CAPN7: variants seen among roughly 807,000 people sequenced by gnomAD.
CAPN7 encodes calpain 7, also known as calpain-7.
A neutral mutation model predicts 115.2 loss-of-function variants in CAPN7; 72 were observed. The observed-to-expected ratio is 0.63, with a 90% confidence interval of 0.52 to 0.76. CAPN7 has a LOEUF of 0.76. Among genes scored for constraint, CAPN7 ranks in the 30% least tolerant of loss-of-function variants. CAPN7 has a pLI of 0.00. For missense variants in CAPN7, 905 were observed against 971.5 expected (o/e 0.93, Z 0.91); for synonymous variants, 344 against 322.3 (o/e 1.07, Z -0.72).
chr3:15,231,962 A>G (rs935744246), intron 9 of CAPN7: 4 of 199,568 alleles, frequency 2.0e-5, no homozygotes, highest in African/African-American at 9.6e-5. Flanking sequence ...TAAAATGACA[A>G]TAATACTGCA....
chr3:15,231,730 G>T (rs150622860), intron 9 of CAPN7, among the ~76,000 whole-genome samples: 1 of 151,850 alleles, frequency 6.6e-6, no homozygotes, highest in Non-Finnish European at 1.5e-5. Flanking sequence ...GAGTTTCACC[G>T]TGTTAGCCAG....
At chr3:15,239,952 A>G (rs1263147565) in intron 12 of CAPN7, among the ~76,000 whole-genome samples, 2 of 152,262 alleles carry the variant, frequency 1.3e-5, no homozygotes, top group East Asian at 3.8e-4. Context: ...GCAAAATTGA[A>G]TAAGGATTTT....
intron 19 of CAPN7, among the ~76,000 whole-genome samples, chr3:15,249,184 C>G (rs556619082): frequency 6.6e-6 from 1 of 152,146 alleles, no homozygotes; most frequent in Non-Finnish European, 1.5e-5. Flanking sequence ...TTTAAAACCT[C>G]TACCAGTTTG....
At chr3:15,236,751 A>C (rs1463570230) in intron 12 of CAPN7, among the ~76,000 whole-genome samples, 1 of 152,258 alleles carries the variant, frequency 6.6e-6, no homozygotes, top group Non-Finnish European at 1.5e-5. Flanking sequence ...AGTTATAACA[A>C]CTTGGTATTT....
chr3:15,250,603 C>T (rs964081703), intron 19 of CAPN7, among the ~76,000 whole-genome samples: 1 of 152,112 alleles, frequency 6.6e-6, no homozygotes. Context: ...ACCCAGGAGG[C>T]GGAGGTTGCA....
At chr3:15,227,696 G>C (rs999959423) in intron 6 of CAPN7, 143 bp from the exon 7 acceptor site, 1 of 414,436 alleles carries the variant, frequency 2.4e-6, no homozygotes, top group Admixed American at 4.5e-5. Flanking sequence ...TAAAGAGCCA[G>C]ATTTGACCAG....
chr3:15,236,231 G>A lies in CAPN7; in HGVS notation c.1407+1086G>A, dbSNP rs572568319. 4.6e-5 allele frequency among the ~76,000 whole-genome samples: 7 copies of A among 152,316 alleles called. No homozygotes were observed. The South Asian group carries it at 1.0e-3, about 23-fold the overall frequency. On this transcript the variant is annotated intron_variant, in intron 12 of 20. Transcript: ENST00000253693. ...ATAGCTGGGCATAAGATACATGCCA[G>A]TGTGTTTTGTGTAAGCAAGTATTTT...
chr3:15,245,761 G>GAC, intron 17 of CAPN7, 90 bp downstream of exon 17: 1 of 1,045,174 alleles, frequency 9.6e-7, no homozygotes, highest in Non-Finnish European at 1.3e-6. Context: ...TGGAGAAAAA[G>GAC]TTTATTTCTG....
chr3:15,213,322 A>G (rs2045057376), intron 2 of CAPN7, among the ~76,000 whole-genome samples: 1 of 152,240 alleles, frequency 6.6e-6, no homozygotes, highest in Middle Eastern at 3.2e-3. Context: ...CTTCATTTCA[A>G]TAACTATGTA....
chr3:15,244,247 T>A (rs1215372464), intron 16 of CAPN7, among the ~76,000 whole-genome samples: 2 of 152,216 alleles, frequency 1.3e-5, no homozygotes, highest in Non-Finnish European at 2.9e-5. Flanking sequence ...CTAGTCAATA[T>A]CCCTGCGTTC....
At chr3:15,236,246 G>A (rs912986556) in intron 12 of CAPN7, among the ~76,000 whole-genome samples, 3 of 152,216 alleles carry the variant, frequency 2.0e-5, no homozygotes, top group Non-Finnish European at 2.9e-5. Context: ...TTTTGTGTAA[G>A]CAAGTATTTT....
intron 2 of CAPN7, among the ~76,000 whole-genome samples, chr3:15,212,883 G>T (rs535754955): frequency 2.0e-5 from 3 of 152,238 alleles, no homozygotes; most frequent in Admixed American, 6.5e-5. Context: ...CCAAGCAGAA[G>T]AATATTTATT....
Position 15,217,475 on chromosome 3 carries a change from G to C in CAPN7, c.262G>C (p.Glu88Gln), listed in dbSNP as rs760107220. The C allele has an allele frequency of 4.3e-6, 7 of 1,613,840 alleles. No individual in the cohort carries two copies. The highest frequency in any genetic ancestry group is 5.9e-6 in the Non-Finnish European group (7 of 1,179,916). ...PLKSKHQLDLERAHFLVTQAF... is the reference protein window; with the variant it reads ...PLKSKHQLDLQRAHFLVTQAF... ...GAAGTCAAAACATCAGTTGGACTTAGAGCGTGCTCATTTCCTTGTTACACA... is the reference window on the plus strand; with the variant it reads ...GAAGTCAAAACATCAGTTGGACTTACAGCGTGCTCATTTCCTTGTTACACA... The change falls in exon 3 of 21, where the codon GAG (glutamate) becomes CAG (glutamine). Residue 88 changes from glutamate to glutamine, a missense_variant. Physicochemically the swap from Glu to Gln is conservative, Grantham distance 29. Transcript: ENST00000253693.
intron 5 of CAPN7, among the ~76,000 whole-genome samples, chr3:15,222,259 C>T (rs549146016): frequency 6.6e-6 from 1 of 152,138 alleles, no homozygotes; most frequent in South Asian, 2.1e-4. Flanking sequence ...TATGGAGTAG[C>T]CCTGTTCCAC....
chr3:15,235,275 A>G (rs1284086499), intron 12 of CAPN7, 130 bp downstream of exon 12: 1 of 750,550 alleles, frequency 1.3e-6, no homozygotes, highest in Non-Finnish European at 2.1e-6. Flanking sequence ...CATTTCACCT[A>G]CATTAACTTG....
In CAPN7 at chr3:15,220,788, G is replaced by C. The variant is rs2124914815; in HGVS notation, c.445G>C (p.Ala149Pro). The change falls in exon 5 of 21, where the codon GCG becomes CCG. Residue 149 changes from alanine (A) to proline (P), a missense_variant. This residue lies in a region of CAPN7 where 271 missense variants were observed against 239.6 expected (regional missense o/e 1.13). Transcript: ENST00000253693. ...TGTTCCTCTCTGTTATAGAGCAGAA[G>C]CGCTGAGTGAGCCTTTGACCAAGCC... Reference protein sequence around the residue: ...LARQALDRAEALSEPLTKPVG... With the variant: ...LARQALDRAEPLSEPLTKPVG... The C allele has an allele frequency of 6.2e-7, 1 of 1,614,154 alleles. No homozygotes were observed. The highest frequency in any genetic ancestry group is 2.2e-5 in the East Asian group (1 of 44,890).
At chr3:15,215,523 C>G (rs943298816) in intron 2 of CAPN7, among the ~76,000 whole-genome samples, 6 of 152,224 alleles carry the variant, frequency 3.9e-5, no homozygotes, top group African/African-American at 1.4e-4. Flanking sequence ...CTAGCCACCA[C>G]TAATCTTGTT....
At chr3:15,230,122 G>A (rs1053166137) in intron 8 of CAPN7, among the ~76,000 whole-genome samples, 4 of 152,130 alleles carry the variant, frequency 2.6e-5, no homozygotes, top group African/African-American at 9.7e-5. Context: ...AGGGCCAGTG[G>A]TAAAAGATTA....
At position 15,221,935 on chromosome 3, in the gene CAPN7, CAG is replaced by C. The variant is rs528441966; in HGVS notation, c.638+957_638+958del. ...CGCCACTGCTCTCCAGCTTGGGCAA[CAG>C]AGGGAGATCCCGTCTCAAAAAAAAA... On this transcript the variant is annotated intron_variant, in intron 5 of 20. Coordinates refer to ENST00000253693, the MANE Select transcript of CAPN7 (RefSeq NM_014296.3). Among the ~76,000 whole-genome samples, 362 of 151,324 alleles carry C rather than the reference CAG, an allele frequency of 2.4e-3. 1 individual carries two copies. The highest frequency in any genetic ancestry group is 8.5e-3 in the African/African-American group (351 of 41,180).
Sources: gnomAD v4.1 joint callset for allele counts (sites outside exome capture counted in the v4.1 genomes callset) on GRCh38, gnomAD v4.1.1 for gene constraint, gnomAD v4.1.1 regional missense constraint, MANE v1.5 for transcripts, NCBI Gene and HGNC (gene_info 2026-07-23, HGNC 2026-07-21) for gene names.